The following GRAP2 variants were observed in gnomAD, a reference collection of about 807,000 sequenced individuals.
GRAP2 encodes the protein GRB2-related adapter protein 2.
GRAP2 carries 31 observed loss-of-function variants against 43.5 expected under a neutral mutation model. That is an observed-to-expected ratio of 0.71 (90% CI 0.54 to 0.96). The LOEUF (loss-of-function observed/expected upper bound fraction) is 0.96, where lower values mean the gene tolerates loss of function less well. Ranked by LOEUF, GRAP2 falls within the 40% of genes least tolerant of loss-of-function variation. GRAP2 has a pLI of 0.00. For synonymous variants in GRAP2, 156 were observed against 164.8 expected (o/e 0.95, Z 0.41); for missense variants, 371 against 424.4 (o/e 0.87, Z 1.11).
chr22:39,912,394 C>T (rs928929821), intron 1 of GRAP2, among the ~76,000 whole-genome samples: 12 of 152,184 alleles, frequency 7.9e-5, no homozygotes, highest in African/African-American at 2.7e-4. Context: ...CTCCATCCAG[C>T]CTGGGTGACA....
intron 2 of GRAP2, among the ~76,000 whole-genome samples, chr22:39,954,014 A>T (rs1468324170): frequency 6.6e-6 from 1 of 152,182 alleles, no homozygotes; most frequent in Non-Finnish European, 1.5e-5. Context: ...CATTCCAGCC[A>T]CCTGGAGGCA....
chr22:39,971,426 G>A lies in GRAP2; in HGVS notation c.*342G>A. 3.5e-6 allele frequency: 1 copy of A among 285,900 alleles called. No individual in the cohort carries two copies. Among genetic ancestry groups the A allele is most frequent in the Non-Finnish European group, 6.5e-6 (1 of 154,554 alleles). 17.7% of individuals were successfully genotyped at this position (285,900 alleles called of 1,614,324 possible). On this transcript the variant is annotated 3_prime_UTR_variant, in exon 8 of 8. Coordinates refer to ENST00000344138, the MANE Select transcript of GRAP2 (RefSeq NM_004810.4). ...TCCTTGTCTTGGGAATTTTCACGGA[G>A]AACAGCTAAGCAGAGACCACACCTC...
At chr22:39,945,563 T>A (rs2066913302) in intron 1 of GRAP2, among the ~76,000 whole-genome samples, 2 of 152,240 alleles carry the variant, frequency 1.3e-5, no homozygotes, top group Admixed American at 6.5e-5. Flanking sequence ...GAGTATTTAT[T>A]TTCTACCCTA....
intron 1 of GRAP2, among the ~76,000 whole-genome samples, chr22:39,918,557 TTTA>T (rs1260608339): frequency 6.6e-6 from 1 of 152,234 alleles, no homozygotes; most frequent in Non-Finnish European, 1.5e-5. Context: ...CTGACCTGAA[TTTA>T]TTATTGTCAT....
chr22:39,942,268 G>A (rs1001782443), intron 1 of GRAP2, among the ~76,000 whole-genome samples: 1 of 152,098 alleles, frequency 6.6e-6, no homozygotes, highest in East Asian at 1.9e-4. Flanking sequence ...TTGTCAATTC[G>A]ACTGGGGGAG....
At chr22:39,954,729 A>T (rs994158217) in intron 2 of GRAP2, among the ~76,000 whole-genome samples, 9 of 152,146 alleles carry the variant, frequency 5.9e-5, no homozygotes, top group African/African-American at 2.2e-4. Context: ...GGCGGTGTCA[A>T]ATATTTTGTC....
At chr22:39,931,801 A>G (rs916836210) in intron 1 of GRAP2, among the ~76,000 whole-genome samples, 4 of 152,250 alleles carry the variant, frequency 2.6e-5, no homozygotes, top group African/African-American at 9.6e-5. Context: ...AAATTCCCTT[A>G]TAAGAACAGA....
chr22:39,969,454 G>T lies in GRAP2; in HGVS notation c.734G>T (p.Gly245Val). 1 of 1,613,974 alleles carries T rather than the reference G, an allele frequency of 6.2e-7. No individual in the cohort carries two copies. The highest frequency in any genetic ancestry group is 8.5e-7 in the Non-Finnish European group (1 of 1,179,882). The change falls in exon 7 of 8, where the codon GGC becomes GTC. Residue 245 changes from glycine (G) to valine (V), a missense_variant. Physicochemically the swap from Gly to Val is moderately radical, Grantham distance 109. Transcript: ENST00000344138. ...GSLDINDGHC[G>V]TGLGSEMNAA... is the part of the protein sequence containing the mutation. ...CTTGACATAAATGATGGGCATTGTGGCACCGGCTTGGGCAGTGAAATGAAT... is the reference window on the plus strand; with the variant it reads ...CTTGACATAAATGATGGGCATTGTGTCACCGGCTTGGGCAGTGAAATGAAT...
At chr22:39,950,505 G>A (rs1381081078) in intron 2 of GRAP2, among the ~76,000 whole-genome samples, 1 of 152,150 alleles carries the variant, frequency 6.6e-6, no homozygotes, top group African/African-American at 2.4e-5. Context: ...AGAACTCCCT[G>A]ACACTTGACG....
chr22:39,901,968 T>C (rs2066496286), intron 1 of GRAP2, among the ~76,000 whole-genome samples: 1 of 152,230 alleles, frequency 6.6e-6, no homozygotes. Flanking sequence ...CAACTCTTCC[T>C]GAACGTGAGG....
At chr22:39,905,541 G>A (rs187234468) in intron 1 of GRAP2, among the ~76,000 whole-genome samples, 107 of 152,222 alleles carry the variant, frequency 7.0e-4, no homozygotes, top group Admixed American at 2.4e-3. Context: ...TGCCTATCTC[G>A]TGGGATTGTT....
At chr22:39,916,691 A>G (rs546469728) in intron 1 of GRAP2, among the ~76,000 whole-genome samples, 42 of 152,318 alleles carry the variant, frequency 2.8e-4, no homozygotes, top group African/African-American at 9.4e-4. Context: ...GTTTCACACA[A>G]TGCCAGGTCA....
At chr22:39,937,944 T>G (rs1356601263) in intron 1 of GRAP2, among the ~76,000 whole-genome samples, 1 of 152,164 alleles carries the variant, frequency 6.6e-6, no homozygotes, top group Non-Finnish European at 1.5e-5. Flanking sequence ...ACAAAAAGTT[T>G]GAGGACAAAT....
intron 1 of GRAP2, among the ~76,000 whole-genome samples, chr22:39,934,995 C>G (rs1458818595): frequency 1.3e-5 from 2 of 152,184 alleles, no homozygotes; most frequent in Non-Finnish European, 2.9e-5. Context: ...ATCTTGAATA[C>G]TGGGTTCAAG....
intron 1 of GRAP2, among the ~76,000 whole-genome samples, chr22:39,925,679 G>T (rs966652518): frequency 6.6e-6 from 1 of 152,194 alleles, no homozygotes; most frequent in Non-Finnish European, 1.5e-5. Flanking sequence ...CAATTGTGGT[G>T]CAATCCAGAA....
At chr22:39,970,831 G>A (rs2067233385) in intron 7 of GRAP2, 74 bp from the exon 8 acceptor site, 1 of 1,321,948 alleles carries the variant, frequency 7.6e-7, no homozygotes, top group Admixed American at 2.4e-5. Context: ...GATGTGGTGG[G>A]AGGAGCCAGC....
intron 1 of GRAP2, among the ~76,000 whole-genome samples, chr22:39,941,272 CAG>C (rs2066867534): frequency 6.6e-6 from 1 of 152,182 alleles, no homozygotes; most frequent in African/African-American, 2.4e-5. Flanking sequence ...TACTGTGTAT[CAG>C]AGTCTACGCA....
chr22:39,906,700 A>G (rs2066525884), intron 1 of GRAP2, among the ~76,000 whole-genome samples: 1 of 151,836 alleles, frequency 6.6e-6, no homozygotes, highest in African/African-American at 2.4e-5. Flanking sequence ...TTTTCTCCAC[A>G]CCCCCCAGCC....
intron 1 of GRAP2, among the ~76,000 whole-genome samples, chr22:39,919,052 C>T (rs1417639629): frequency 6.6e-6 from 1 of 152,160 alleles, no homozygotes; most frequent in African/African-American, 2.4e-5. Context: ...CCAGGATAAT[C>T]ACTTGAGGCC....
Sources: gnomAD v4.1 joint callset for allele counts (sites outside exome capture counted in the v4.1 genomes callset) on GRCh38, gnomAD v4.1.1 for gene constraint, MANE v1.5 for transcripts, NCBI Gene and HGNC (gene_info 2026-07-23, HGNC 2026-07-21) for gene names.